DCAF1: variants seen among roughly 807,000 people sequenced by gnomAD.
The protein encoded by DCAF1 is DDB1- and CUL4-associated factor 1.
A neutral mutation model predicts 128.0 loss-of-function variants in DCAF1; 15 were observed. The observed-to-expected ratio is 0.12, with a 90% confidence interval of 0.08 to 0.18. DCAF1 has a LOEUF of 0.18. Among genes scored for constraint, DCAF1 ranks in the 10% least tolerant of loss-of-function variants. DCAF1 has a pLI of 1.00. For missense variants in DCAF1, 988 were observed against 1,649.5 expected, an observed-to-expected ratio of 0.60 and a Z score of 6.95; for synonymous variants, 610 against 603.0, an observed-to-expected ratio of 1.01 and a Z score of -0.17.
At chr3:51,414,507 C>G (rs1553629611) in intron 19 of DCAF1, 117 bp downstream of exon 19, 1 of 1,396,928 alleles carries the variant, frequency 7.2e-7, no homozygotes, top group Non-Finnish European at 9.5e-7. Context: ...AGGACAGGCA[C>G]CATATTATTA....
Position 51,483,581 on chromosome 3 carries a change from A to G in DCAF1, c.110+138T>C, listed in dbSNP as rs945962299. The G allele has an allele frequency of 8.2e-6, 5 of 611,730 alleles. No individual in the cohort carries two copies. The African/African-American group carries it at 9.2e-5, about 11-fold the overall frequency. The allele number at this position is 611,730 out of a possible 1,614,324, so 37.9% of individuals were successfully genotyped here. ...AAAATGTTCCTATGCTATTCTCCAC[A>G]CCAATTTTTGCTTCTTTTTAAACTA... On this transcript the variant is annotated intron_variant, in intron 3 of 24. Coordinates refer to ENST00000684031, the MANE Select transcript of DCAF1 (RefSeq NM_001387579.1).
At chr3:51,479,773 G>T (rs1411223940) in intron 3 of DCAF1, among the ~76,000 whole-genome samples, 1 of 152,072 alleles carries the variant, frequency 6.6e-6, no homozygotes, top group African/African-American at 2.4e-5. Context: ...TCCAGCCCAG[G>T]CAACAGAGCG....
intron 1 of DCAF1, among the ~76,000 whole-genome samples, chr3:51,497,945 G>A (rs1708406625): frequency 6.6e-6 from 1 of 150,400 alleles, no homozygotes; most frequent in Non-Finnish European, 1.5e-5. Flanking sequence ...AGCTACTTGG[G>A]AGGCTGAGGC....
intron 6 of DCAF1, among the ~76,000 whole-genome samples, chr3:51,454,651 C>T (rs1336809530): frequency 1.3e-5 from 2 of 152,116 alleles, no homozygotes; most frequent in Non-Finnish European, 1.5e-5. Flanking sequence ...GCGTGAGCCA[C>T]GACGCCCAGC....
chr3:51,462,672 G>A (rs1163849949), intron 6 of DCAF1, among the ~76,000 whole-genome samples: 5 of 150,954 alleles, frequency 3.3e-5, no homozygotes, highest in South Asian at 2.1e-4. Flanking sequence ...CTTAAGCCCG[G>A]GAGGCAGAGG....
In DCAF1 at chr3:51,480,361, C is replaced by A. The variant is rs185074118; in HGVS notation, c.110+3358G>T. 1.6e-3 allele frequency among the ~76,000 whole-genome samples: 247 copies of A among 152,092 alleles called. 1 individual carries two copies. The highest frequency in any genetic ancestry group is 5.8e-3 in the African/African-American group (241 of 41,536). On this transcript the variant is annotated intron_variant, in intron 3 of 24. Transcript: ENST00000684031. The stretch of plus-strand genomic sequence containing the variant: ...CTTGTAATCCCAGCACTTTGGGAGG[C>A]TGAGGTGGGCGGATCATGAGGTCAG...
At chr3:51,486,182 C>G (rs1553655376) in intron 2 of DCAF1, among the ~76,000 whole-genome samples, 1 of 149,898 alleles carries the variant, frequency 6.7e-6, no homozygotes, top group Non-Finnish European at 1.5e-5. Context: ...GAAAACCACA[C>G]CCGGCAGATT....
chr3:51,497,753 T>G (rs2108607883), intron 1 of DCAF1, among the ~76,000 whole-genome samples: 1 of 152,118 alleles, frequency 6.6e-6, no homozygotes, highest in South Asian at 2.1e-4. Context: ...CATGTTAGCC[T>G]GTGACTGCGG....
At chr3:51,498,290 G>A (rs1708460510) in intron 1 of DCAF1, among the ~76,000 whole-genome samples, 1 of 150,934 alleles carries the variant, frequency 6.6e-6, no homozygotes, top group Non-Finnish European at 1.5e-5. Context: ...AACCTGGGAG[G>A]CGGAGGTTGC....
At chr3:51,418,350 G>C (rs751691119) in intron 16 of DCAF1, among the ~76,000 whole-genome samples, 152 bp from the exon 17 acceptor site, 3 of 152,206 alleles carry the variant, frequency 2.0e-5, no homozygotes, top group Non-Finnish European at 4.4e-5. Context: ...ATGGTCAGAA[G>C]CCACTAGGAT....
intron 21 of DCAF1, 80 bp from the exon 22 acceptor site, chr3:51,413,146 GGAT>G: frequency 6.3e-7 from 1 of 1,583,312 alleles, no homozygotes; most frequent in Non-Finnish European, 8.6e-7. Context: ...AAGGAATTCA[GGAT>G]GATTGCTCAA....
Position 51,419,007 on chromosome 3 carries a change from T to A in DCAF1, c.3237-131A>T, listed in dbSNP as rs1559487247. On this transcript the variant is annotated intron_variant, in intron 15 of 24. Transcript: ENST00000684031. The stretch of plus-strand genomic sequence containing the variant: ...GCTTCTTCCAAAATCACAGTGACCT[T>A]CAGTGCTTTTTATTTTAAATAAGAA... 4.4e-6 allele frequency: 6 copies of A among 1,359,742 alleles called. No individual in the cohort carries two copies. The East Asian group carries it at 1.3e-4, about 30-fold the overall frequency. The allele number at this position is 1,359,742 out of a possible 1,614,324, so 84.2% of individuals were successfully genotyped here. A position where few individuals can be genotyped will look rare whatever the true frequency, so the allele number is the denominator to read the frequency against.
intron 4 of DCAF1, among the ~76,000 whole-genome samples, chr3:51,469,819 A>C (rs573234648): frequency 6.6e-6 from 1 of 151,504 alleles, no homozygotes; most frequent in Admixed American, 6.6e-5. Flanking sequence ...TCAGGAGTTC[A>C]AGACCAGCTT....
At chr3:51,484,546 G>A (rs1160020397) in intron 2 of DCAF1, among the ~76,000 whole-genome samples, 1 of 151,990 alleles carries the variant, frequency 6.6e-6, no homozygotes, top group East Asian at 1.9e-4. Flanking sequence ...AGATCTCTGA[G>A]GTCTAAAACT....
At chr3:51,405,544 A>T (rs1279684095) in intron 23 of DCAF1, among the ~76,000 whole-genome samples, 1 of 152,232 alleles carries the variant, frequency 6.6e-6, no homozygotes, top group African/African-American at 2.4e-5. Context: ...ATCTACCTGA[A>T]TCTCAAGTTG....
At chr3:51,424,277 G>A (rs1553633456) in intron 13 of DCAF1, among the ~76,000 whole-genome samples, 1 of 152,014 alleles carries the variant, frequency 6.6e-6, no homozygotes, top group African/African-American at 2.4e-5. Context: ...GTGGGCGCCT[G>A]TAGTCCCAGT....
rs1312027397 is a variant in DCAF1, at chr3:51,422,536, A to G, written c.1848-105T>C. The G allele has an allele frequency of 1.5e-5, 10 of 665,632 alleles. No homozygotes were observed. The Admixed American group carries it at 2.1e-4, about 14-fold the overall frequency. 41.2% of individuals were successfully genotyped at this position (665,632 alleles called of 1,614,324 possible). On this transcript the variant is annotated intron_variant, in intron 13 of 24. Transcript: ENST00000684031. Reference sequence around the variant, plus strand: ...CAGATAGACACATACACACAGAGACAATAAATCAGAAGCACTACCAGTGTG... The same window carrying G: ...CAGATAGACACATACACACAGAGACGATAAATCAGAAGCACTACCAGTGTG...
At chr3:51,418,569 G>A in intron 16 of DCAF1, 109 bp downstream of exon 16, 2 of 1,484,076 alleles carry the variant, frequency 1.3e-6, no homozygotes, top group Non-Finnish European at 1.8e-6. Context: ...CTTTCCAGTT[G>A]AGGACTCATT....
intron 3 of DCAF1, among the ~76,000 whole-genome samples, chr3:51,480,403 T>A (rs1553652347): frequency 6.6e-6 from 1 of 151,946 alleles, no homozygotes; most frequent in Admixed American, 6.6e-5. Context: ...GAGACCAGCC[T>A]GGCCAACACA....
Sources: gnomAD v4.1 joint callset for allele counts (sites outside exome capture counted in the v4.1 genomes callset) on GRCh38, gnomAD v4.1.1 for gene constraint, MANE v1.5 for transcripts, NCBI Gene and HGNC (gene_info 2026-07-23, HGNC 2026-07-21) for gene names.